The following DPP6 variants were observed in gnomAD, a reference collection of about 807,000 sequenced individuals.
DPP6 encodes dipeptidyl peptidase like 6, also known as A-type potassium channel modulatory protein DPP6.
In DPP6, 69 loss-of-function variants were observed where a neutral mutation model predicts 122.6. The ratio of observed to expected loss-of-function variants is 0.56; its 90% CI spans 0.46 to 0.69. The LOEUF (loss-of-function observed/expected upper bound fraction) is 0.69. DPP6 is among the 30% of genes least tolerant of loss of function. The pLI is 0.00. For missense variants in DPP6, 928 were observed against 1,116.9 expected (o/e 0.83, Z 2.41); for synonymous variants, 418 against 433.1 (o/e 0.97, Z 0.43).
chr7:153,772,410 A>G, the DPP6 span, among the ~76,000 whole-genome samples: 1 of 152,190 alleles, frequency 6.6e-6, no homozygotes, highest in Non-Finnish European at 1.5e-5. Context: ...TTAAAGTTAG[A>G]TGTTGATTAA....
chr7:154,215,811 C>T (rs1799964859), intron 1 of DPP6, among the ~76,000 whole-genome samples: 1 of 152,008 alleles, frequency 6.6e-6, no homozygotes, highest in Non-Finnish European at 1.5e-5. Context: ...CTCTCTGGGT[C>T]GCCAGGTTCT....
At chr7:153,977,342 A>G (rs1170395124) in intron 1 of DPP6, among the ~76,000 whole-genome samples, 1 of 152,174 alleles carries the variant, frequency 6.6e-6, no homozygotes, top group Non-Finnish European at 1.5e-5. Context: ...GCAAAGTTAC[A>G]CTAGGGAAGA....
Position 154,790,159 on chromosome 7 carries a change from C to T in DPP6, c.1137-3920C>T, listed in dbSNP as rs541937650. Among the ~76,000 whole-genome samples the T allele has an allele frequency of 2.6e-5, 4 of 152,314 alleles. No homozygotes were observed. In the East Asian group the frequency reaches 5.8e-4, roughly 22 times the overall value. ...GTTGCAGTGAGCTGAGATCACACCA[C>T]TGCACTCCAGCCTGGGCAACAGAGC... On this transcript the variant is annotated intron_variant, in intron 10 of 25. Transcript: ENST00000377770.
chr7:154,231,597 C>T (rs1313708096), intron 1 of DPP6, among the ~76,000 whole-genome samples: 1 of 152,130 alleles, frequency 6.6e-6, no homozygotes, highest in East Asian at 1.9e-4. Context: ...AAGGAGTGGG[C>T]TTAACATCAT....
At chr7:154,667,744 C>T (rs959186513) in intron 6 of DPP6, among the ~76,000 whole-genome samples, 5 of 152,016 alleles carry the variant, frequency 3.3e-5, no homozygotes, top group East Asian at 1.9e-4. Flanking sequence ...AACAAAACCA[C>T]GCAATGTTAA....
intron 1 of DPP6, among the ~76,000 whole-genome samples, chr7:154,139,084 A>G (rs1795718064): frequency 6.6e-6 from 1 of 151,870 alleles, no homozygotes; most frequent in African/African-American, 2.4e-5. Context: ...GGTTCTCCAG[A>G]GGAACAGAAC....
At chr7:154,155,531 T>G (rs1241864556) in intron 1 of DPP6, among the ~76,000 whole-genome samples, 1 of 152,200 alleles carries the variant, frequency 6.6e-6, no homozygotes, top group Non-Finnish European at 1.5e-5. Flanking sequence ...AGTGAGTAAC[T>G]GTGTGTCCAG....
At chr7:154,794,291 C>G in intron 11 of DPP6, 89 bp downstream of exon 11, 1 of 1,444,802 alleles carries the variant, frequency 6.9e-7, no homozygotes, top group Non-Finnish European at 9.2e-7. Flanking sequence ...TCTCAGCCCT[C>G]GGGCCTGGGA....
At chr7:153,902,712 T>C (rs2128999187) in intron 1 of DPP6, among the ~76,000 whole-genome samples, 1 of 152,188 alleles carries the variant, frequency 6.6e-6, no homozygotes, top group African/African-American at 2.4e-5. Flanking sequence ...GGCAGGTGCC[T>C]GTAATCCCAG....
Position 154,755,015 on chromosome 7 carries a change from T to C in DPP6, c.884-14402T>C, listed in dbSNP as rs1430852146. ...AGAAGAGGGAGAGCATTAGGACAAATACCTAATGCATGCAGGGCTTAAAAC... is the reference window on the plus strand; with the variant it reads ...AGAAGAGGGAGAGCATTAGGACAAACACCTAATGCATGCAGGGCTTAAAAC... On this transcript the variant is annotated intron_variant, in intron 8 of 25. Coordinates refer to ENST00000377770, the MANE Select transcript of DPP6 (RefSeq NM_130797.4). The surrounding 1 kb of genome is among the most constrained non-coding windows in gnomAD (Gnocchi z 4.7). Among the ~76,000 whole-genome samples the C allele has an allele frequency of 6.6e-6, 1 of 151,904 alleles. No homozygotes were observed. The highest frequency in any genetic ancestry group is 2.4e-5 in the African/African-American group (1 of 41,348).
intron 1 of DPP6, among the ~76,000 whole-genome samples, chr7:153,928,745 A>G (rs568074220): frequency 4.4e-4 from 67 of 152,190 alleles, no homozygotes; most frequent in African/African-American, 1.5e-3. Context: ...ATTTTGGGGG[A>G]CACAGACATT....
intron 1 of DPP6, among the ~76,000 whole-genome samples, chr7:154,389,040 G>A (rs1814374019): frequency 6.6e-6 from 1 of 152,124 alleles, no homozygotes; most frequent in Non-Finnish European, 1.5e-5. Flanking sequence ...TAAGCTGGTT[G>A]GGAAAGCTGT....
At chr7:153,832,734 C>T in the DPP6 span, among the ~76,000 whole-genome samples, 10 of 97,950 alleles carry the variant, frequency 1.0e-4, no homozygotes, top group Admixed American at 9.6e-4. Flanking sequence ...GTTTTGATGT[C>T]CTATGTTTAG....
At chr7:154,878,377 A>G (rs941208527) in intron 20 of DPP6, among the ~76,000 whole-genome samples, 1 of 152,138 alleles carries the variant, frequency 6.6e-6, no homozygotes, top group Non-Finnish European at 1.5e-5. Context: ...CTCCTAAACC[A>G]CCGAAGCTCA....
At chr7:153,907,865 T>TTC in intron 1 of DPP6, among the ~76,000 whole-genome samples, 1 of 152,264 alleles carries the variant, frequency 6.6e-6, no homozygotes, top group East Asian at 1.9e-4. Context: ...TTCCTTCTGT[T>TTC]TCTCCTGGGA....
chr7:154,686,800 C>T (rs142595568), intron 7 of DPP6, among the ~76,000 whole-genome samples: 7 of 152,020 alleles, frequency 4.6e-5, no homozygotes, highest in East Asian at 1.9e-4. Context: ...TTTTTTATTT[C>T]GGATGCATTT....
intron 1 of DPP6, among the ~76,000 whole-genome samples, chr7:153,888,198 T>G (rs553566138): frequency 6.6e-6 from 1 of 152,186 alleles, no homozygotes; most frequent in Non-Finnish European, 1.5e-5. Flanking sequence ...CTGCGGAGCC[T>G]TCGGTGCTCT....
At chr7:153,964,337 T>G (rs1019545373) in intron 1 of DPP6, among the ~76,000 whole-genome samples, 1 of 152,110 alleles carries the variant, frequency 6.6e-6, no homozygotes, top group Non-Finnish European at 1.5e-5. Flanking sequence ...TGCTCCAGAG[T>G]TGTTGAAATG....
chr7:154,508,743 G>T (rs990171825), intron 3 of DPP6, among the ~76,000 whole-genome samples: 1 of 152,174 alleles, frequency 6.6e-6, no homozygotes, highest in Non-Finnish European at 1.5e-5. Context: ...AGAAAGAAAA[G>T]GCACTAATTA....
Sources: allele counts gnomAD v4.1 joint callset (sites outside exome capture counted in the v4.1 genomes callset), GRCh38; gene constraint gnomAD v4.1.1; non-coding constraint Gnocchi (gnomAD v3.1); transcripts MANE v1.5; gene names NCBI Gene and HGNC (gene_info 2026-07-23, HGNC 2026-07-21).